TRAF7: variants seen among roughly 807,000 people sequenced by gnomAD.
TRAF7 encodes TNF receptor associated factor 7.
A neutral mutation model predicts 89.3 loss-of-function variants in TRAF7; 45 were observed. That is an observed-to-expected ratio of 0.50 (90% confidence interval 0.40 to 0.65). TRAF7 has a LOEUF of 0.65. Among genes scored for constraint, TRAF7 ranks in the 30% least tolerant of loss-of-function variants. The probability of loss-of-function intolerance (pLI) is 0.00; values close to 1 mark genes in which losing one functional copy is unlikely to be tolerated. For synonymous variants in TRAF7, 406 were observed against 369.2 expected (o/e 1.10, Z -1.14); for missense variants, 677 against 918.1 (o/e 0.74, Z 3.39).
rs192172765 is a variant in TRAF7 at position 2,170,748 on chromosome 16, G to C, written c.348+18G>C. ...AGGAGCCGGTAGGTGTGGGGGACTCGGCGCAGAGCGGCTTCCAGGGCTGTC... is the reference window on the plus strand; with the variant it reads ...AGGAGCCGGTAGGTGTGGGGGACTCCGCGCAGAGCGGCTTCCAGGGCTGTC... On this transcript the variant is annotated intron_variant, in intron 5 of 20. Transcript: ENST00000326181. The C allele has an allele frequency of 5.7e-6, 9 of 1,578,690 alleles. No individual in the cohort carries two copies. In the African/African-American group the frequency reaches 8.1e-5, roughly 14 times the overall value.
chr16:2,178,079 G>A lies in TRAF7; in HGVS notation c.*1505G>A, dbSNP rs1182557088. 4 of 486,874 alleles carry A rather than the reference G, an allele frequency of 8.2e-6. No individual in the cohort carries two copies. The highest frequency in any genetic ancestry group is 1.6e-5 in the Non-Finnish European group (4 of 254,244). The allele number at this position is 486,874 out of a possible 1,614,324, so 30.2% of individuals were successfully genotyped here. A position where few individuals can be genotyped will look rare whatever the true frequency, so the allele number is the denominator to read the frequency against. On this transcript the variant is annotated 3_prime_UTR_variant, in exon 21 of 21. Coordinates refer to ENST00000326181, the MANE Select transcript of TRAF7 (RefSeq NM_032271.3). ...AAAGTTATACCTTTTTGTTTCTCTG[G>A]GGAAATCCGCCTCAGCTCATTCCCA...
At chr16:2,160,764 G>T (rs2093055287) in intron 1 of TRAF7, among the ~76,000 whole-genome samples, 1 of 152,098 alleles carries the variant, frequency 6.6e-6, no homozygotes, top group South Asian at 2.1e-4. Context: ...GAATTGAAGG[G>T]GAATTCTCAC....
chr16:2,160,940 C>T (rs1394746513), intron 1 of TRAF7, among the ~76,000 whole-genome samples: 1 of 152,076 alleles, frequency 6.6e-6, no homozygotes, highest in African/African-American at 2.4e-5. Context: ...AAGGGGTCCT[C>T]TCCCTACTGG....
rs1567253009 is a variant in TRAF7 at position 2,174,403 on chromosome 16, G to GTGAGCCA, written c.1346+76_1346+82dup. The GTGAGCCA allele has an allele frequency of 4.0e-6, 6 of 1,495,304 alleles. No individual in the cohort carries two copies. The African/African-American group carries it at 6.9e-5, about 17-fold the overall frequency. The allele number at this position is 1,495,304 out of a possible 1,614,324, so 92.6% of individuals were successfully genotyped here. On this transcript the variant is annotated intron_variant, in intron 14 of 20. Transcript: ENST00000326181. ...ACGTGGCGCTGCCACCCCGTGGGCCGTGAGCCATGAGCTCGAGCCTGTGTA... is the reference window on the plus strand; with the variant it reads ...ACGTGGCGCTGCCACCCCGTGGGCCGTGAGCCATGAGCCATGAGCTCGAGCCTGTGTA...
At position 2,172,447 on chromosome 16, in the gene TRAF7, C is replaced by T; in HGVS notation, c.660-18C>T. On this transcript the variant is annotated intron_variant, in intron 8 of 20. Coordinates refer to ENST00000326181, the MANE Select transcript of TRAF7 (RefSeq NM_032271.3). ...CAGGGCTCTGGCTGAGGCCTCCCCGCATCCCGCCCTGGCACAGGGACCACG... is the reference window on the plus strand; with the variant it reads ...CAGGGCTCTGGCTGAGGCCTCCCCGTATCCCGCCCTGGCACAGGGACCACG... 1 of 1,610,684 alleles carries T rather than the reference C, an allele frequency of 6.2e-7. No homozygotes were observed. Among genetic ancestry groups the T allele is most frequent in the Non-Finnish European group, 8.5e-7 (1 of 1,179,274 alleles).
At position 2,173,708 on chromosome 16, in the gene TRAF7, G is replaced by A; in HGVS notation, c.1087-80G>A. The A allele has an allele frequency of 1.9e-6, 3 of 1,590,598 alleles. No individual in the cohort carries two copies. In the South Asian group the frequency reaches 3.3e-5, roughly 18 times the overall value. ...GTCACCCCTGCCCACCCCTGGCCCA[G>A]GGCAGCAGGGGCAGAGAGGCTGCAC... On this transcript the variant is annotated intron_variant, in intron 11 of 20. Transcript: ENST00000326181.
At chr16:2,164,751 G>T (rs1259149448) in intron 2 of TRAF7, among the ~76,000 whole-genome samples, 6 of 113,058 alleles carry the variant, frequency 5.3e-5, no homozygotes, top group Non-Finnish European at 9.1e-5. Context: ...TGAGTGCTGC[G>T]TGGCCTGGCC....
chr16:2,174,204 C>A (rs748117014), intron 13 of TRAF7, 47 bp from the exon 14 acceptor site: 1 of 1,603,434 alleles, frequency 6.2e-7, no homozygotes, highest in Non-Finnish European at 8.5e-7. Context: ...TGCCCCTTGA[C>A]ACTGGGCTGA....
chr16:2,173,735 G>A (rs993883552), intron 11 of TRAF7, 53 bp from the exon 12 acceptor site: 20 of 1,604,100 alleles, frequency 1.2e-5, no homozygotes, highest in Non-Finnish European at 1.7e-5. Context: ...AGGCTGCACT[G>A]GCCCCACAGC....
At chr16:2,164,346 G>A (rs867670745) in intron 2 of TRAF7, among the ~76,000 whole-genome samples, 49 of 143,034 alleles carry the variant, frequency 3.4e-4, no homozygotes, top group African/African-American at 9.4e-4. Flanking sequence ...GCTGCGTGGC[G>A]CGGCCTGGTT....
In TRAF7 at chr16:2,163,817, A is replaced by T; in HGVS notation, c.-38-66A>T. On this transcript the variant is annotated intron_variant, in intron 1 of 20. Coordinates refer to ENST00000326181, the MANE Select transcript of TRAF7 (RefSeq NM_032271.3). The surrounding 1 kb of genome is among the most constrained non-coding windows in gnomAD (Gnocchi z 4.3). Reference sequence around the variant, plus strand: ...CACAGCAGGTCTGCACACTTGCAGCAGCCCGTCTGACTCACAGGGGCCTGG... The same window carrying T: ...CACAGCAGGTCTGCACACTTGCAGCTGCCCGTCTGACTCACAGGGGCCTGG... 1 of 1,062,056 alleles carries T rather than the reference A, an allele frequency of 9.4e-7. No individual in the cohort carries two copies. Among genetic ancestry groups the T allele is most frequent in the Non-Finnish European group, 1.4e-6 (1 of 704,418 alleles). 65.8% of individuals were successfully genotyped at this position (1,062,056 alleles called of 1,614,324 possible).
intron 1 of TRAF7, among the ~76,000 whole-genome samples, chr16:2,157,173 C>T (rs756478518): frequency 4.6e-5 from 7 of 151,986 alleles, no homozygotes; most frequent in African/African-American, 9.7e-5. Flanking sequence ...CTCTTTGGGC[C>T]TCTCCCTTCC....
chr16:2,177,947 CT>C lies in TRAF7; in HGVS notation c.*1374del, dbSNP rs998335582. The C allele has an allele frequency of 2.8e-6, 1 of 362,714 alleles. No homozygotes were observed. The highest frequency in any genetic ancestry group is 5.2e-6 in the Non-Finnish European group (1 of 193,278). The allele number at this position is 362,714 out of a possible 1,614,324, so 22.5% of individuals were successfully genotyped here. A position where few individuals can be genotyped will look rare whatever the true frequency, so the allele number is the denominator to read the frequency against. ...GGAGGAAGGACCGCAGGCAGACAGC[CT>C]GGGCCTCTAACAGCTTTTGTCCGGA... On this transcript the variant is annotated 3_prime_UTR_variant, in exon 21 of 21. Coordinates refer to ENST00000326181, the MANE Select transcript of TRAF7 (RefSeq NM_032271.3).
At chr16:2,174,672 C>T (rs528559873) in intron 14 of TRAF7, among the ~76,000 whole-genome samples, 1 of 152,342 alleles carries the variant, frequency 6.6e-6, no homozygotes, top group African/African-American at 2.4e-5. Context: ...GCAGCCAAAG[C>T]CCAGGGCATA....
chr16:2,176,210 C>T, intron 19 of TRAF7, 30 bp downstream of exon 19: 1 of 1,601,682 alleles, frequency 6.2e-7, no homozygotes, highest in African/African-American at 1.3e-5. Flanking sequence ...TGGCAGGAGG[C>T]TCAGAGGGCT....
chr16:2,157,263 T>C (rs1268786682), intron 1 of TRAF7, among the ~76,000 whole-genome samples: 1 of 152,090 alleles, frequency 6.6e-6, no homozygotes, highest in Non-Finnish European at 1.5e-5. Flanking sequence ...TGTGGAAGCC[T>C]CGGGCCCCGT....
At chr16:2,164,429 T>C (rs1455504139) in intron 2 of TRAF7, among the ~76,000 whole-genome samples, 26 of 112,558 alleles carry the variant, frequency 2.3e-4, no homozygotes, top group Admixed American at 3.7e-4. Context: ...CTGCGTGGCC[T>C]GGCCTGGTCG....
chr16:2,173,312 G>T lies in TRAF7; in HGVS notation c.925G>T (p.Asp309Tyr). 6.2e-7 allele frequency: 1 copy of T among 1,613,628 alleles called. No individual in the cohort carries two copies. Among genetic ancestry groups the T allele is most frequent in the Non-Finnish European group, 8.5e-7 (1 of 1,179,998 alleles). ...HEMHVALAQKDQEIAFLRSML... is the reference protein window; with the variant it reads ...HEMHVALAQKYQEIAFLRSML... ...GATGCACGTGGCTCTGGCCCAGAAGGACCAGGAGATCGCCTTCCTGCGCTC... is the reference window on the plus strand; with the variant it reads ...GATGCACGTGGCTCTGGCCCAGAAGTACCAGGAGATCGCCTTCCTGCGCTC... Residue 309 changes from aspartate to tyrosine, a missense_variant, in exon 10 of 21, where the codon GAC (aspartate) becomes TAC (tyrosine). Physicochemically the swap from Asp to Tyr is radical, Grantham distance 160 (BLOSUM62 -3). This residue lies in a region of TRAF7 where 238 missense variants were observed against 352.6 expected (regional missense o/e 0.67). Coordinates refer to ENST00000326181, the MANE Select transcript of TRAF7 (RefSeq NM_032271.3).
chr16:2,168,048 A>T lies in TRAF7; in HGVS notation c.140-29A>T, dbSNP rs776960775. The T allele has an allele frequency of 7.5e-6, 12 of 1,604,520 alleles. No individual in the cohort carries two copies. The highest frequency in any genetic ancestry group is 2.2e-5 in the East Asian group (1 of 44,828). On this transcript the variant is annotated intron_variant, in intron 3 of 20. Coordinates refer to ENST00000326181, the MANE Select transcript of TRAF7 (RefSeq NM_032271.3). This position sits in a 1 kb window ranked among gnomAD's most constrained non-coding sequence, Gnocchi z 4.1. ...CCCCACATCTGCTGAGGGAGCCCCC[A>T]CTGAGACGCCAGCCCTCTTGCCTTG... is the stretch of plus-strand genomic sequence containing the variant.
Sources: gnomAD v4.1 joint callset for allele counts (sites outside exome capture counted in the v4.1 genomes callset) on GRCh38, gnomAD v4.1.1 for gene constraint, gnomAD v4.1.1 regional missense constraint, Gnocchi (gnomAD v3.1) non-coding constraint, MANE v1.5 for transcripts, NCBI Gene and HGNC (gene_info 2026-07-23, HGNC 2026-07-21) for gene names.